Variants in SRCAP observed in about 807,000 individuals in gnomAD.
SRCAP encodes the protein chromatin remodeling protein SRCAP.
SRCAP carries 46 observed loss-of-function variants against 263.1 expected under a neutral mutation model. The observed-to-expected ratio is 0.17, with a 90% CI of 0.14 to 0.22. The LOEUF is 0.22. Among genes scored for constraint, SRCAP ranks in the 10% least tolerant of loss-of-function variants. The pLI, the probability that SRCAP is intolerant of heterozygous loss-of-function variation, is 1.00. For synonymous variants in SRCAP, 1,813 were observed against 1,662.1 expected (o/e 1.09, Z -2.21); for missense variants, 3,695 against 4,181.9 (o/e 0.88, Z 3.21).
In SRCAP at chr16:30,739,787, G is replaced by C. The variant is rs891678537; in HGVS notation, c.*54G>C. The C allele has an allele frequency of 3.5e-6, 5 of 1,443,788 alleles. No individual in the cohort carries two copies. In the East Asian group the frequency reaches 1.3e-4, roughly 37 times the overall value. The allele number at this position is 1,443,788 out of a possible 1,614,324, so 89.4% of individuals were successfully genotyped here. A position where few individuals can be genotyped will look rare whatever the true frequency, so the allele number is the denominator to read the frequency against. On this transcript the variant is annotated 3_prime_UTR_variant, in exon 34 of 34. Transcript: ENST00000262518. ...ACCGTGGCCACTCCCTCCATGACCA[G>C]GCCTGACTCTGTTAACCACTACTTG...
At chr16:30,712,851 A>T (rs1484096680) in intron 14 of SRCAP, 36 bp downstream of exon 14, 1 of 1,607,568 alleles carries the variant, frequency 6.2e-7, no homozygotes, top group Non-Finnish European at 8.5e-7. Flanking sequence ...CCTCCCATTG[A>T]TGCCTCCTTT....
chr16:30,705,642 G>C (rs549540605), intron 4 of SRCAP, among the ~76,000 whole-genome samples: 1 of 150,988 alleles, frequency 6.6e-6, no homozygotes, highest in Non-Finnish European at 1.5e-5. Flanking sequence ...CTTGTGATCT[G>C]CCAGCCTCGG....
At position 30,733,291 on chromosome 16, in the gene SRCAP, A is replaced by G; in HGVS notation, c.6139A>G (p.Thr2047Ala). The change falls in exon 28 of 34, where the codon ACG becomes GCG. Residue 2047 changes from threonine to alanine, a missense_variant. Physicochemically the swap from Thr to Ala is moderately conservative, Grantham distance 58. Transcript: ENST00000262518. This position sits in a 1 kb window ranked among gnomAD's most constrained non-coding sequence, Gnocchi z 5.3. ...TCATATCTCTTTAGGAAAGTTGCAG[A>G]CGTTGGCAGTGCTGTTGCGGCAGCT... ...LIQYDCGKLQTLAVLLRQLKA... is the reference protein window; with the variant it reads ...LIQYDCGKLQALAVLLRQLKA... The G allele has an allele frequency of 1.9e-6, 3 of 1,613,930 alleles. No homozygotes were observed. The highest frequency in any genetic ancestry group is 2.5e-6 in the Non-Finnish European group (3 of 1,180,010).
chr16:30,713,521 A>G lies in SRCAP; in HGVS notation c.2303A>G (p.Gln768Arg). ...RWQSLLNFNS[Q>R]RRLLLTGTPL... Reference sequence around the variant, plus strand: ...TGATTCTCTCTGTCTCTTTGCAGCCAGAGACGCCTGCTCCTGACAGGAACT... The same window carrying G: ...TGATTCTCTCTGTCTCTTTGCAGCCGGAGACGCCTGCTCCTGACAGGAACT... Residue 768 changes from glutamine to arginine, a missense_variant and splice_region_variant, in exon 16 of 34, where the codon CAG (glutamine) becomes CGG (arginine). Physicochemically the swap from Gln to Arg is conservative, Grantham distance 43. Coordinates refer to ENST00000262518, the MANE Select transcript of SRCAP (RefSeq NM_006662.3). 1 of 1,614,108 alleles carries G rather than the reference A, an allele frequency of 6.2e-7. No homozygotes were observed. The highest frequency in any genetic ancestry group is 8.5e-7 in the Non-Finnish European group (1 of 1,179,998).
chr16:30,711,680 C>T lies in SRCAP; in HGVS notation c.1428C>T (p.Asp476=). 6.2e-7 allele frequency: 1 copy of T among 1,614,088 alleles called. No homozygotes were observed. The highest frequency in any genetic ancestry group is 1.1e-5 in the South Asian group (1 of 91,082). Residue 476 remains aspartate (D), a synonymous_variant, in exon 11 of 34, where the codon GAC becomes GAT. Transcript: ENST00000262518. Reference sequence around the variant, plus strand: ...ATGAGGTTGATGCTAATAGCTCTGACTGTGAACCAGAGGGGCCCGTGGAAG... The same window carrying T: ...ATGAGGTTGATGCTAATAGCTCTGATTGTGAACCAGAGGGGCCCGTGGAAG... The part of the protein sequence containing the change: ...DEDEVDANSS[D]CEPEGPVEAE...
intron 16 of SRCAP, among the ~76,000 whole-genome samples, chr16:30,714,623 C>T (rs2052927917): frequency 6.7e-6 from 1 of 150,324 alleles, no homozygotes; most frequent in Non-Finnish European, 1.5e-5. Context: ...GCCTCAGCCT[C>T]CTGAGTAGCT....
intron 16 of SRCAP, among the ~76,000 whole-genome samples, chr16:30,715,257 G>C (rs1242889400): frequency 1.3e-5 from 2 of 152,160 alleles, no homozygotes; most frequent in East Asian, 3.8e-4. Context: ...CTATCATTCG[G>C]TAAACTAAGC....
intron 10 of SRCAP, 63 bp from the exon 11 acceptor site, chr16:30,711,508 C>T (rs1174351061): frequency 6.7e-7 from 1 of 1,494,764 alleles, no homozygotes; most frequent in Non-Finnish European, 9.0e-7. Flanking sequence ...TTAACTGGTA[C>T]TACTCAGACC....
chr16:30,717,407 G>A (rs747547362), intron 18 of SRCAP, among the ~76,000 whole-genome samples: 2 of 151,580 alleles, frequency 1.3e-5, no homozygotes, highest in Non-Finnish European at 2.9e-5. Context: ...TTGCCTTTTC[G>A]CTATGTTGAT....
Position 30,702,111 on chromosome 16 carries a change from G to A in SRCAP, c.54+1233G>A, listed in dbSNP as rs566175543. ...TGGGACTACAGGTGCGCGCCACCAC[G>A]CCTGGCTAATTTTTGTGTTTTTAGT... On this transcript the variant is annotated intron_variant, in intron 3 of 33. Coordinates refer to ENST00000262518, the MANE Select transcript of SRCAP (RefSeq NM_006662.3). 3.6e-3 allele frequency among the ~76,000 whole-genome samples: 551 copies of A among 151,586 alleles called. 4 individuals are homozygous for A. The highest frequency in any genetic ancestry group is 0.013 in the African/African-American group (532 of 41,272).
In SRCAP at chr16:30,739,121, T is replaced by A; in HGVS notation, c.9081T>A (p.Arg3027=). The change falls in exon 34 of 34, where the codon CGT becomes CGA. Residue 3027 remains arginine, a synonymous_variant. Transcript: ENST00000262518. ...CCAGCCAGCTCCCCGTCTTGGACCG[T>A]GACAGCACTTCTGTTCTCGAGAGCT... ...PRPSQLPVLD[R]DSTSVLESCG... is the part of the protein sequence containing the mutation. 1 of 1,614,186 alleles carries A rather than the reference T, an allele frequency of 6.2e-7. No individual in the cohort carries two copies. The highest frequency in any genetic ancestry group is 8.5e-7 in the Non-Finnish European group (1 of 1,180,028).
rs557654038 is a variant in SRCAP at position 30,739,190 on chromosome 16, T to C, written c.9150T>C (p.Ser3050=). 1 of 1,613,184 alleles carries C rather than the reference T, an allele frequency of 6.2e-7. No individual in the cohort carries two copies. The highest frequency in any genetic ancestry group is 8.5e-7 in the Non-Finnish European group (1 of 1,179,876). ...GGCAACCCCAGGGCCAAGGGGAGAG[T>C]GAGGGTAGTTCCTCTGATGAGGATG... The part of the protein sequence containing the change: ...RRRQPQGQGE[S]EGSSSDEDGS... The change falls in exon 34 of 34, where the codon AGT becomes AGC. Residue 3050 remains serine, a synonymous_variant. Transcript: ENST00000262518.
In SRCAP at chr16:30,723,161, C is replaced by G. The variant is rs2053028367; in HGVS notation, c.4091C>G (p.Pro1364Arg). The G allele has an allele frequency of 6.2e-7, 1 of 1,614,042 alleles. No homozygotes were observed. Among genetic ancestry groups the G allele is most frequent in the African/African-American group, 1.3e-5 (1 of 74,918 alleles). ...PTPTLGTARA[P>R]MPTPTLVRPL... ...CCTACTCTGGGTACTGCTCGAGCCC[C>G]CATGCCCACACCCACTCTGGTGAGG... The change falls in exon 24 of 34, where the codon CCC becomes CGC. Residue 1364 changes from proline to arginine, a missense_variant. Coordinates refer to ENST00000262518, the MANE Select transcript of SRCAP (RefSeq NM_006662.3).
At chr16:30,714,104 G>A (rs1359788029) in intron 16 of SRCAP, among the ~76,000 whole-genome samples, 10 of 144,100 alleles carry the variant, frequency 6.9e-5, no homozygotes, top group East Asian at 6.1e-4. Flanking sequence ...TCACTCTGTC[G>A]CCCAGGCTGG....
Position 30,721,413 on chromosome 16 carries a change from C to T in SRCAP, c.3478C>T (p.Pro1160Ser). 6.2e-7 allele frequency: 1 copy of T among 1,613,566 alleles called. No homozygotes were observed. Among genetic ancestry groups the T allele is most frequent in the Non-Finnish European group, 8.5e-7 (1 of 1,180,046 alleles). ...GGCAACTGCTACCACCACAGCAGTG[C>T]CAGCTCCGACTCCTGCACCACAGCG... ...TTATATTTAVPAPTPAPQRLI... is the reference protein window; with the variant it reads ...TTATATTTAVSAPTPAPQRLI... Residue 1160 changes from proline to serine, a missense_variant, in exon 21 of 34, where the codon CCA becomes TCA. Around this residue, in one of 12 missense-constraint regions of SRCAP, gnomAD observed 1,347 missense variants for 1,304.4 expected, o/e 1.03. Coordinates refer to ENST00000262518, the MANE Select transcript of SRCAP (RefSeq NM_006662.3).
intron 22 of SRCAP, 102 bp downstream of exon 22, chr16:30,722,388 C>T: frequency 6.5e-7 from 1 of 1,537,058 alleles, no homozygotes; most frequent in South Asian, 1.3e-5. Context: ...CTTACCCAAG[C>T]TTTTGGTGGG....
intron 8 of SRCAP, 124 bp downstream of exon 8, chr16:30,710,252 G>T (rs900152435): frequency 3.1e-5 from 32 of 1,021,212 alleles, no homozygotes; most frequent in Middle Eastern, 6.4e-4. Flanking sequence ...GGACATTTGG[G>T]CTCTTTGGGG....
In SRCAP at chr16:30,721,390, C is replaced by T. The variant is rs2053010198; in HGVS notation, c.3455C>T (p.Ala1152Val). ...AAATTTSTTT[A>V]TATTTAVPAP... is the part of the protein sequence containing the mutation. Reference sequence around the variant, plus strand: ...GCCACCACCACTTCTACCACCACGGCAACTGCTACCACCACAGCAGTGCCA... The same window carrying T: ...GCCACCACCACTTCTACCACCACGGTAACTGCTACCACCACAGCAGTGCCA... Residue 1152 changes from alanine (A) to valine (V), a missense_variant, in exon 21 of 34, where the codon GCA becomes GTA. Transcript: ENST00000262518. The T allele has an allele frequency of 6.2e-7, 1 of 1,613,824 alleles. No individual in the cohort carries two copies. Among genetic ancestry groups the T allele is most frequent in the Admixed American group, 1.7e-5 (1 of 60,010 alleles).
Position 30,737,635 on chromosome 16 carries a change from C to G in SRCAP, c.7595C>G (p.Pro2532Arg). 2 of 1,614,096 alleles carry G rather than the reference C, an allele frequency of 1.2e-6. No homozygotes were observed. Among genetic ancestry groups the G allele is most frequent in the African/African-American group, 1.3e-5 (1 of 75,050 alleles). Residue 2532 changes from proline (P) to arginine (R), a missense_variant, in exon 34 of 34, where the codon CCT becomes CGT. Pro to Arg is a moderately radical substitution (Grantham distance 103, BLOSUM62 -2). Transcript: ENST00000262518. ...TCCTCTCCTCTCTTGCTTGGTCCAC[C>G]TTCTGTGCCCATCTCTGCCTCAGTC... ...TPSSPLLLGPPSVPISASVTN... is the reference protein window; with the variant it reads ...TPSSPLLLGPRSVPISASVTN...
Sources: gnomAD v4.1 joint callset for allele counts (sites outside exome capture counted in the v4.1 genomes callset) on GRCh38, gnomAD v4.1.1 for gene constraint, gnomAD v4.1.1 regional missense constraint, Gnocchi (gnomAD v3.1) non-coding constraint, MANE v1.5 for transcripts, NCBI Gene and HGNC (gene_info 2026-07-23, HGNC 2026-07-21) for gene names.